Variants in AFAP1L1 observed in about 807,000 individuals in gnomAD.
AFAP1L1 encodes the protein actin filament associated protein 1 like 1, also known as actin filament-associated protein 1-like 1.
Under a neutral mutation model 99.8 loss-of-function variants are expected in AFAP1L1, and 77 were observed. The ratio of observed to expected loss-of-function variants is 0.77; its 90% CI spans 0.64 to 0.93. The LOEUF is 0.93. Among genes scored for constraint, AFAP1L1 ranks in the 40% least tolerant of loss-of-function variants. The pLI is 0.00. For synonymous variants in AFAP1L1, 373 were observed against 395.3 expected, an observed-to-expected ratio of 0.94 and a Z score of 0.67; for missense variants, 893 against 996.8, an observed-to-expected ratio of 0.90 and a Z score of 1.40.
chr5:149,319,230 A>G, intron 12 of AFAP1L1, among the ~76,000 whole-genome samples: 1 of 152,306 alleles, frequency 6.6e-6, no homozygotes, highest in African/African-American at 2.4e-5. Context: ...CTCTTCTAAT[A>G]AAAAGTAAAT....
chr5:149,300,640 C>T (rs1179087886), intron 3 of AFAP1L1, among the ~76,000 whole-genome samples: 1 of 152,230 alleles, frequency 6.6e-6, no homozygotes, highest in African/African-American at 2.4e-5. Flanking sequence ...CAGGTGATTG[C>T]CACTTGAGAC....
Position 149,271,897 on chromosome 5 carries a change from G to A in AFAP1L1, c.-72G>A. 5 of 1,151,156 alleles carry A rather than the reference G, an allele frequency of 4.3e-6. No individual in the cohort carries two copies. Among genetic ancestry groups the A allele is most frequent in the Non-Finnish European group, 5.4e-6 (5 of 924,160 alleles). The allele number at this position is 1,151,156 out of a possible 1,614,324, so 71.3% of individuals were successfully genotyped here. On this transcript the variant is annotated 5_prime_UTR_variant, in exon 1 of 19. Coordinates refer to ENST00000296721, the MANE Select transcript of AFAP1L1 (RefSeq NM_152406.4). ...CGCTGGGCTGGCCTGAGAGCGCAGC[G>A]CGCCGGCCGCTACCAGCCGCGCCGG...
rs191931243 is a variant in AFAP1L1 at position 149,295,239 on chromosome 5, G to C, written c.17-4270G>C. Among the ~76,000 whole-genome samples the C allele has an allele frequency of 1.6e-3, 244 of 152,286 alleles. 1 individual carries two copies. The highest frequency in any genetic ancestry group is 0.015 in the Admixed American group (226 of 15,304). On this transcript the variant is annotated intron_variant, in intron 1 of 18. Transcript: ENST00000296721. Reference sequence around the variant, plus strand: ...TCCTTTGGTCTGTTTGAACTTTGGTGATCAAATCTCAGTTAAAGGAAGAGC... The same window carrying C: ...TCCTTTGGTCTGTTTGAACTTTGGTCATCAAATCTCAGTTAAAGGAAGAGC...
intron 1 of AFAP1L1, among the ~76,000 whole-genome samples, chr5:149,298,383 T>C (rs941139347): frequency 3.3e-5 from 5 of 152,200 alleles, no homozygotes; most frequent in Admixed American, 6.5e-5. Flanking sequence ...TGTGAGTCAA[T>C]ATATCTCTGT....
chr5:149,329,971 C>T (rs150286772), intron 16 of AFAP1L1, 141 bp downstream of exon 16: 7,775 of 632,980 alleles, frequency 0.012, 88 homozygotes, highest in Middle Eastern at 0.019. Context: ...TTCTCCTCCT[C>T]CTCCTCTTCT....
At chr5:149,312,008 G>T (rs1341355015) in intron 8 of AFAP1L1, 104 bp from the exon 9 acceptor site, 1 of 1,034,858 alleles carries the variant, frequency 9.7e-7, no homozygotes, top group South Asian at 1.5e-5. Flanking sequence ...CCCCACAGTG[G>T]CCCTGACCCT....
At chr5:149,306,485 G>C in intron 6 of AFAP1L1, 81 bp downstream of exon 6, 8 of 1,313,786 alleles carry the variant, frequency 6.1e-6, no homozygotes, top group Non-Finnish European at 8.4e-6. Flanking sequence ...CCCTTAGCAT[G>C]GGTGTGCCCA....
At chr5:149,303,503 G>C (rs1008734577) in intron 5 of AFAP1L1, among the ~76,000 whole-genome samples, 1 of 152,230 alleles carries the variant, frequency 6.6e-6, no homozygotes, top group African/African-American at 2.4e-5. Flanking sequence ...TAATGTTTGT[G>C]TGATGCTGCT....
chr5:149,339,425 C>T (rs1358093550), intron 18 of AFAP1L1, among the ~76,000 whole-genome samples: 2 of 152,122 alleles, frequency 1.3e-5, no homozygotes, highest in Non-Finnish European at 2.9e-5. Flanking sequence ...AACTCCTGAC[C>T]TCGTGATCCG....
intron 11 of AFAP1L1, 33 bp from the exon 12 acceptor site, chr5:149,317,696 G>C: frequency 3.1e-6 from 5 of 1,610,634 alleles, no homozygotes; most frequent in Non-Finnish European, 4.2e-6. Flanking sequence ...CCCAGGGCAG[G>C]CTATGGGAAC....
Position 149,340,750 on chromosome 5 carries a change from T to C in AFAP1L1, c.*720T>C, listed in dbSNP as rs1298275049. 2.0e-5 allele frequency: 3 copies of C among 152,190 alleles called. No homozygotes were observed. The highest frequency in any genetic ancestry group is 4.4e-5 in the Non-Finnish European group (3 of 68,058). The allele number at this position is 152,190 out of a possible 1,614,324, so 9.4% of individuals were successfully genotyped here. A position where few individuals can be genotyped will look rare whatever the true frequency, so the allele number is the denominator to read the frequency against. On this transcript the variant is annotated 3_prime_UTR_variant, in exon 19 of 19. Transcript: ENST00000296721. ...ATTTTAAGCTCACAGTGATACTCAGTGACAGGAGCACAGAGCTCTAATGTC... is the reference window on the plus strand; with the variant it reads ...ATTTTAAGCTCACAGTGATACTCAGCGACAGGAGCACAGAGCTCTAATGTC...
intron 1 of AFAP1L1, 131 bp downstream of exon 1, chr5:149,272,115 A>C (rs1397940361): frequency 3.1e-6 from 3 of 961,528 alleles, no homozygotes; most frequent in Non-Finnish European, 4.0e-6. Context: ...CTCGGAGGGG[A>C]CTGGGAGACG....
intron 9 of AFAP1L1, chr5:149,315,500 G>A (rs891647546): frequency 3.1e-6 from 1 of 320,528 alleles, no homozygotes; most frequent in Non-Finnish European, 6.1e-6. Flanking sequence ...GATTACATGA[G>A]TGTTCCACTT....
At position 149,320,833 on chromosome 5, in the gene AFAP1L1, AC is replaced by A. The variant is rs1756932850; in HGVS notation, c.1698+374del. 6.6e-6 allele frequency among the ~76,000 whole-genome samples: 1 copy of A among 151,986 alleles called. No homozygotes were observed. Among genetic ancestry groups the A allele is most frequent in the African/African-American group, 2.4e-5 (1 of 41,386 alleles). ...TGGGGCAGGTCCTGACTCTGGGACCACCCCGCAAGCCTTCACCTGGTGACTT... is the reference window on the plus strand; with the variant it reads ...TGGGGCAGGTCCTGACTCTGGGACCACCCGCAAGCCTTCACCTGGTGACTT... On this transcript the variant is annotated intron_variant, in intron 14 of 18. Coordinates refer to ENST00000296721, the MANE Select transcript of AFAP1L1 (RefSeq NM_152406.4). This position sits in a 1 kb window ranked among gnomAD's most constrained non-coding sequence, Gnocchi z 4.0.
rs776083651 is a variant in AFAP1L1 at position 149,332,686 on chromosome 5, T to C, written c.1976-9T>C. 5 of 1,608,236 alleles carry C rather than the reference T, an allele frequency of 3.1e-6. No individual in the cohort carries two copies. The highest frequency in any genetic ancestry group is 4.2e-6 in the Non-Finnish European group (5 of 1,178,406). ...TTCAGCTTTTTCTTATCAATGTCTC[T>C]TGATTCAGGAGCAAAATTAAAGGCT... On this transcript the variant is annotated splice_polypyrimidine_tract_variant and intron_variant, in intron 16 of 18. Transcript: ENST00000296721.
chr5:149,280,561 G>C (rs777069060), intron 1 of AFAP1L1, among the ~76,000 whole-genome samples: 1 of 150,954 alleles, frequency 6.6e-6, no homozygotes, highest in Non-Finnish European at 1.5e-5. Flanking sequence ...CTTTTATCTT[G>C]ACCCTTGACC....
At position 149,280,471 on chromosome 5, in the gene AFAP1L1, CTT is replaced by C. The variant is rs77278332; in HGVS notation, c.16+8499_16+8500del. Among the ~76,000 whole-genome samples, 718 of 145,410 alleles carry C rather than the reference CTT, an allele frequency of 4.9e-3. 5 individuals are homozygous for C. The highest frequency in any genetic ancestry group is 0.017 in the African/African-American group (679 of 40,100). On this transcript the variant is annotated intron_variant, in intron 1 of 18. Transcript: ENST00000296721. The stretch of plus-strand genomic sequence containing the variant: ...AGTGGGTCAGAGGTTTGGGAATCTG[CTT>C]TTTTTTTTTTTCCTGGCACATCCCC...
rs905016709 is a variant in AFAP1L1, at chr5:149,332,762, G to T, written c.2043G>T (p.Glu681Asp). 1 of 1,613,696 alleles carries T rather than the reference G, an allele frequency of 6.2e-7. No individual in the cohort carries two copies. Among genetic ancestry groups the T allele is most frequent in the Non-Finnish European group, 8.5e-7 (1 of 1,180,014 alleles). The change falls in exon 17 of 19, where the codon GAG becomes GAT. Residue 681 changes from glutamate (E) to aspartate (D), a missense_variant. Coordinates refer to ENST00000296721, the MANE Select transcript of AFAP1L1 (RefSeq NM_152406.4). ...TLEAQCRAKE[E>D]RRIDLELKLV... ...AAGCTCAGTGTCGGGCAAAGGAGGA[G>T]CGCCGGATTGACCTGGAGCTGAAGC...
intron 18 of AFAP1L1, among the ~76,000 whole-genome samples, chr5:149,338,331 A>T (rs1757464779): frequency 6.6e-6 from 1 of 152,066 alleles, no homozygotes; most frequent in African/African-American, 2.4e-5. Context: ...GTGTGGTGGC[A>T]CATGCCTATA....
Sources: allele counts gnomAD v4.1 joint callset (sites outside exome capture counted in the v4.1 genomes callset), GRCh38; gene constraint gnomAD v4.1.1; non-coding constraint Gnocchi (gnomAD v3.1); transcripts MANE v1.5; gene names NCBI Gene and HGNC (gene_info 2026-07-23, HGNC 2026-07-21).